CHST2: variants seen among roughly 807,000 people sequenced by gnomAD.
CHST2 encodes N-acetylglucosamine 6-O-sulfotransferase 1.
In CHST2, 23 loss-of-function variants were observed where a neutral mutation model predicts 34.6. The observed-to-expected ratio is 0.67, with a 90% confidence interval of 0.48 to 0.94. The LOEUF is 0.94. Among genes scored for constraint, CHST2 ranks in the 40% least tolerant of loss-of-function variants. The probability of loss-of-function intolerance (pLI) is 0.00; values close to 1 mark genes in which losing one functional copy is unlikely to be tolerated. For synonymous variants in CHST2, 392 were observed against 343.1 expected (o/e 1.14, Z -1.58); for missense variants, 720 against 759.5 (o/e 0.95, Z 0.61).
In CHST2 at chr3:143,121,015, G is replaced by C. The variant is rs1192997830; in HGVS notation, c.199G>C (p.Val67Leu). The change falls in exon 2 of 2, where the codon GTG becomes CTG. Residue 67 changes from valine (V) to leucine (L), a missense_variant. Coordinates refer to ENST00000309575, the MANE Select transcript of CHST2 (RefSeq NM_004267.5). ...VLCAGYALLLVLTMLNLLDYK... is the reference protein window; with the variant it reads ...VLCAGYALLLLLTMLNLLDYK... ...GTGCGCGGGCTATGCACTGCTGCTG[G>C]TGCTCACTATGCTCAACCTCCTGGA... 20 of 1,540,002 alleles carry C rather than the reference G, an allele frequency of 1.3e-5. No homozygotes were observed. Among genetic ancestry groups the C allele is most frequent in the Non-Finnish European group, 1.7e-5 (19 of 1,143,908 alleles).
At position 143,122,121 on chromosome 3, in the gene CHST2, A is replaced by G. The variant is rs1009569772; in HGVS notation, c.1305A>G (p.Thr435=). 6.2e-7 allele frequency: 1 copy of G among 1,614,190 alleles called. No homozygotes were observed. The highest frequency in any genetic ancestry group is 1.3e-5 in the African/African-American group (1 of 75,048). ...ACCTGGTGGGAGACCCCGTCAAGAC[A>G]CTACGGAGAGTGTACGATTTTGTGG... ...YEDLVGDPVK[T]LRRVYDFVGL... Residue 435 remains threonine (T), a synonymous_variant, in exon 2 of 2, where the codon ACA becomes ACG. Coordinates refer to ENST00000309575, the MANE Select transcript of CHST2 (RefSeq NM_004267.5).
chr3:143,122,560 G>A lies in CHST2; in HGVS notation c.*151G>A. The A allele has an allele frequency of 2.5e-6, 2 of 810,084 alleles. No homozygotes were observed. The highest frequency in any genetic ancestry group is 3.6e-6 in the Non-Finnish European group (2 of 550,618). The allele number at this position is 810,084 out of a possible 1,614,324, so 50.2% of individuals were successfully genotyped here. On this transcript the variant is annotated 3_prime_UTR_variant, in exon 2 of 2. Transcript: ENST00000309575. Reference sequence around the variant, plus strand: ...AATCACACACACACTTGCTGTCAATGTTTTGAGTCAGTGCATTTCAAGGAA... The same window carrying A: ...AATCACACACACACTTGCTGTCAATATTTTGAGTCAGTGCATTTCAAGGAA...
In CHST2 at chr3:143,120,635, C is replaced by T. The variant is rs965515816; in HGVS notation, c.-173-9C>T. 30 of 390,612 alleles carry T rather than the reference C, an allele frequency of 7.7e-5. No individual in the cohort carries two copies. The highest frequency in any genetic ancestry group is 6.2e-4 in the African/African-American group (29 of 46,964). 24.2% of individuals were successfully genotyped at this position (390,612 alleles called of 1,614,324 possible). On this transcript the variant is annotated splice_polypyrimidine_tract_variant and intron_variant, in intron 1 of 1. Coordinates refer to ENST00000309575, the MANE Select transcript of CHST2 (RefSeq NM_004267.5). This position sits in a 1 kb window ranked among gnomAD's most constrained non-coding sequence, Gnocchi z 4.1. ...GGGGCGCATCCGCTCACTCCGCTTC[C>T]CCTCGCAGGTCCTACCCGGAGCCGC...
Position 143,121,609 on chromosome 3 carries a change from C to A in CHST2, c.793C>A (p.Pro265Thr). 1 of 1,595,024 alleles carries A rather than the reference C, an allele frequency of 6.3e-7. No homozygotes were observed. Among genetic ancestry groups the A allele is most frequent in the Non-Finnish European group, 8.6e-7 (1 of 1,168,222 alleles). ...NKVVCSSPLC[P>T]AYRKEVVGLV... ...GGTGGTGTGCTCGTCACCACTCTGC[C>A]CCGCCTACCGCAAGGAGGTCGTGGG... is the stretch of plus-strand genomic sequence containing the variant. The change falls in exon 2 of 2, where the codon CCC becomes ACC. Residue 265 changes from proline to threonine, a missense_variant. Around this residue, in one of 4 missense-constraint regions of CHST2, gnomAD observed 166 missense variants for 211.4 expected, o/e 0.79. Transcript: ENST00000309575.
At position 143,121,534 on chromosome 3, in the gene CHST2, G is replaced by T. The variant is rs767499387; in HGVS notation, c.718G>T (p.Gly240Trp). The part of the protein sequence containing the change: ...VFQLYSPAGS[G>W]GRNLTTLGIF... ...CCAGTTGTATAGCCCCGCGGGCAGC[G>T]GGGGGCGCAACCTCACCACGCTGGG... is the stretch of plus-strand genomic sequence containing the variant. The change falls in exon 2 of 2, where the codon GGG becomes TGG. Residue 240 changes from glycine to tryptophan, a missense_variant. Physicochemically the swap from Gly to Trp is radical, Grantham distance 184 (BLOSUM62 -2). Around this residue, in one of 4 missense-constraint regions of CHST2, gnomAD observed 166 missense variants for 211.4 expected, o/e 0.79. Transcript: ENST00000309575. 15 of 1,609,744 alleles carry T rather than the reference G, an allele frequency of 9.3e-6. No individual in the cohort carries two copies. The highest frequency in any genetic ancestry group is 1.7e-6 in the Non-Finnish European group (2 of 1,177,930).
Position 143,123,494 on chromosome 3 carries a change from A to G in CHST2, c.*1085A>G, listed in dbSNP as rs1420672430. 1 of 152,256 alleles carries G rather than the reference A, an allele frequency of 6.6e-6. No homozygotes were observed. Among genetic ancestry groups the G allele is most frequent in the African/African-American group, 2.4e-5 (1 of 41,476 alleles). The allele number at this position is 152,256 out of a possible 1,614,324, so 9.4% of individuals were successfully genotyped here. A position where few individuals can be genotyped will look rare whatever the true frequency, so the allele number is the denominator to read the frequency against. On this transcript the variant is annotated 3_prime_UTR_variant, in exon 2 of 2. Coordinates refer to ENST00000309575, the MANE Select transcript of CHST2 (RefSeq NM_004267.5). ...AGCTTCGTTGGTTTAGCAAAGTGAC[A>G]GAAGTATCTATTTGGAGTGTTTTTC...
chr3:143,122,157 G>T lies in CHST2; in HGVS notation c.1341G>T (p.Val447=). The T allele has an allele frequency of 4.3e-6, 7 of 1,614,208 alleles. No individual in the cohort carries two copies. The highest frequency in any genetic ancestry group is 5.9e-6 in the Non-Finnish European group (7 of 1,180,016). The change falls in exon 2 of 2, where the codon GTG becomes GTT. Residue 447 remains valine (V), a synonymous_variant. Transcript: ENST00000309575. ...TGTACGATTTTGTGGGACTGTTGGT[G>T]AGCCCCGAAATGGAGCAGTTTGCCC... ...RRVYDFVGLL[V]SPEMEQFALN...
In CHST2 at chr3:143,122,030, C is replaced by T. The variant is rs1466648361; in HGVS notation, c.1214C>T (p.Thr405Met). The change falls in exon 2 of 2, where the codon ACG becomes ATG. Residue 405 changes from threonine (T) to methionine (M), a missense_variant. Thr to Met is a moderately conservative substitution (Grantham distance 81). This residue lies in a region of CHST2 where 224 missense variants were observed against 227.8 expected (regional missense o/e 0.98). Coordinates refer to ENST00000309575, the MANE Select transcript of CHST2 (RefSeq NM_004267.5). ...GTCATCTGCAATAGTATGGCTAAGACGCTGCAGACAGCCCTGCAGCCCCCT... is the reference window on the plus strand; with the variant it reads ...GTCATCTGCAATAGTATGGCTAAGATGCTGCAGACAGCCCTGCAGCCCCCT... ...MEVICNSMAK[T>M]LQTALQPPDW... 3 of 1,612,976 alleles carry T rather than the reference C, an allele frequency of 1.9e-6. No homozygotes were observed. Among genetic ancestry groups the T allele is most frequent in the Non-Finnish European group, 2.5e-6 (3 of 1,179,692 alleles).
Position 143,122,511 on chromosome 3 carries a change from A to G in CHST2, c.*102A>G. 1 of 1,137,324 alleles carries G rather than the reference A, an allele frequency of 8.8e-7. No individual in the cohort carries two copies. Among genetic ancestry groups the G allele is most frequent in the South Asian group, 1.7e-5 (1 of 58,574 alleles). 70.5% of individuals were successfully genotyped at this position (1,137,324 alleles called of 1,614,324 possible). A position where few individuals can be genotyped will look rare whatever the true frequency, so the allele number is the denominator to read the frequency against. On this transcript the variant is annotated 3_prime_UTR_variant, in exon 2 of 2. Coordinates refer to ENST00000309575, the MANE Select transcript of CHST2 (RefSeq NM_004267.5). Reference sequence around the variant, plus strand: ...CCAGACTCAAACGGAGGAAGCCCACATATTCTATTATAGATATATAAATAA... The same window carrying G: ...CCAGACTCAAACGGAGGAAGCCCACGTATTCTATTATAGATATATAAATAA...
At position 143,120,467 on chromosome 3, in the gene CHST2, C is replaced by G. The variant is rs866607231; in HGVS notation, c.-248C>G. 1.1e-5 allele frequency: 2 copies of G among 177,052 alleles called. No homozygotes were observed. The highest frequency in any genetic ancestry group is 2.4e-5 in the Non-Finnish European group (2 of 84,330). 11.0% of individuals were successfully genotyped at this position (177,052 alleles called of 1,614,324 possible). ...CAGCGGAAGCGAGAGGGAGCGAAAT[C>G]GAGGAACGAGTGACAGCCGGACAGT... On this transcript the variant is annotated 5_prime_UTR_variant, in exon 1 of 2. In the 5' UTR this introduces an upstream ATG that the reference lacks. Transcript: ENST00000309575. The surrounding 1 kb of genome is among the most constrained non-coding windows in gnomAD (Gnocchi z 4.1).
Position 143,121,996 on chromosome 3 carries a change from G to T in CHST2, c.1180G>T (p.Ala394Ser). 6.2e-7 allele frequency: 1 copy of T among 1,606,378 alleles called. No homozygotes were observed. The highest frequency in any genetic ancestry group is 8.5e-7 in the Non-Finnish European group (1 of 1,177,300). ...GGPADYHALG[A>S]MEVICNSMAK... ...CCCCGCAGACTACCACGCTCTGGGCGCTATGGAGGTCATCTGCAATAGTAT... is the reference window on the plus strand; with the variant it reads ...CCCCGCAGACTACCACGCTCTGGGCTCTATGGAGGTCATCTGCAATAGTAT... The change falls in exon 2 of 2, where the codon GCT becomes TCT. Residue 394 changes from alanine (A) to serine (S), a missense_variant. This residue lies in a region of CHST2 where 224 missense variants were observed against 227.8 expected (regional missense o/e 0.98). Coordinates refer to ENST00000309575, the MANE Select transcript of CHST2 (RefSeq NM_004267.5).
rs1936252626 is a variant in CHST2 at position 143,122,995 on chromosome 3, C to T, written c.*586C>T. 1 of 166,650 alleles carries T rather than the reference C, an allele frequency of 6.0e-6. No homozygotes were observed. The highest frequency in any genetic ancestry group is 2.4e-5 in the African/African-American group (1 of 41,456). The allele number at this position is 166,650 out of a possible 1,614,324, so 10.3% of individuals were successfully genotyped here. On this transcript the variant is annotated 3_prime_UTR_variant, in exon 2 of 2. Transcript: ENST00000309575. ...ATATTTGCCTCCATTACTTTGGATT[C>T]ACCTGTGTTACTTGTCCTCAGCTTC...
At position 143,121,356 on chromosome 3, in the gene CHST2, C is replaced by T; in HGVS notation, c.540C>T (p.Phe180=). 3 of 1,613,638 alleles carry T rather than the reference C, an allele frequency of 1.9e-6. No homozygotes were observed. Among genetic ancestry groups the T allele is most frequent in the Non-Finnish European group, 2.5e-6 (3 of 1,180,020 alleles). The stretch of plus-strand genomic sequence containing the variant: ...CGTGGCGCTCTGGCTCGTCGTTCTT[C>T]GGCGAGCTATTCAACCAGAATCCCG... ...FTTWRSGSSF[F]GELFNQNPEV... Residue 180 remains phenylalanine (F), a synonymous_variant, in exon 2 of 2, where the codon TTC becomes TTT. Transcript: ENST00000309575.
Position 143,122,168 on chromosome 3 carries a change from T to A in CHST2, c.1352T>A (p.Met451Lys). 1 of 1,614,128 alleles carries A rather than the reference T, an allele frequency of 6.2e-7. No homozygotes were observed. Among genetic ancestry groups the A allele is most frequent in the Non-Finnish European group, 8.5e-7 (1 of 1,180,008 alleles). Residue 451 changes from methionine to lysine, a missense_variant, in exon 2 of 2, where the codon ATG (methionine) becomes AAG (lysine). Physicochemically the swap from Met to Lys is moderately conservative, Grantham distance 95 (BLOSUM62 -1). Transcript: ENST00000309575. ...DFVGLLVSPE[M>K]EQFALNMTSG... ...GTGGGACTGTTGGTGAGCCCCGAAA[T>A]GGAGCAGTTTGCCCTGAACATGACC... is the stretch of plus-strand genomic sequence containing the variant.
Position 143,120,482 on chromosome 3 carries a change from A to C in CHST2, c.-233A>C. The C allele has an allele frequency of 5.3e-6, 1 of 188,212 alleles. No homozygotes were observed. The highest frequency in any genetic ancestry group is 1.1e-5 in the Non-Finnish European group (1 of 91,708). 11.7% of individuals were successfully genotyped at this position (188,212 alleles called of 1,614,324 possible). ...GGAGCGAAATCGAGGAACGAGTGAC[A>C]GCCGGACAGTCCGCCGGGCGGTGAT... On this transcript the variant is annotated 5_prime_UTR_variant, in exon 1 of 2. Coordinates refer to ENST00000309575, the MANE Select transcript of CHST2 (RefSeq NM_004267.5). The surrounding 1 kb of genome is among the most constrained non-coding windows in gnomAD (Gnocchi z 4.1).
In CHST2 at chr3:143,123,420, AAC is replaced by A. The variant is rs1469382321; in HGVS notation, c.*1015_*1016del. ...AATTTTTAAAAGTTCTGATGATTAG[AAC>A]ACAGACCTCAGGAAAGTAGCGTGAA... On this transcript the variant is annotated 3_prime_UTR_variant, in exon 2 of 2. Coordinates refer to ENST00000309575, the MANE Select transcript of CHST2 (RefSeq NM_004267.5). 8 of 152,224 alleles carry A rather than the reference AAC, an allele frequency of 5.3e-5. No homozygotes were observed. Among genetic ancestry groups the A allele is most frequent in the African/African-American group, 1.7e-4 (7 of 41,448 alleles). 9.4% of individuals were successfully genotyped at this position (152,224 alleles called of 1,614,324 possible).
chr3:143,122,411 A>G lies in CHST2; in HGVS notation c.*2A>G, dbSNP rs1485821637. On this transcript the variant is annotated 3_prime_UTR_variant, in exon 2 of 2. Coordinates refer to ENST00000309575, the MANE Select transcript of CHST2 (RefSeq NM_004267.5). ...CTGCTTCGGAAGCCCCGTCTCTAAA[A>G]GGGGTTCCCAGGAGACCTGATTCCC... The G allele has an allele frequency of 1.3e-6, 2 of 1,568,836 alleles. No homozygotes were observed. Among genetic ancestry groups the G allele is most frequent in the East Asian group, 2.3e-5 (1 of 44,188 alleles).
At position 143,123,301 on chromosome 3, in the gene CHST2, A is replaced by G. The variant is rs1936255763; in HGVS notation, c.*892A>G. ...AGGACTTGAAGGCATTTGGTTTTTC[A>G]TTCCTCTTCAGTTAAAATGGGGAAC... On this transcript the variant is annotated 3_prime_UTR_variant, in exon 2 of 2. Transcript: ENST00000309575. The G allele has an allele frequency of 6.6e-6, 1 of 152,246 alleles. No homozygotes were observed. Among genetic ancestry groups the G allele is most frequent in the Admixed American group, 6.5e-5 (1 of 15,278 alleles). 9.4% of individuals were successfully genotyped at this position (152,246 alleles called of 1,614,324 possible). A position where few individuals can be genotyped will look rare whatever the true frequency, so the allele number is the denominator to read the frequency against.
rs2108351595 is a variant in CHST2, at chr3:143,121,794, G to A, written c.978G>A (p.Lys326=). 6.2e-7 allele frequency: 1 copy of A among 1,607,286 alleles called. No homozygotes were observed. The highest frequency in any genetic ancestry group is 8.5e-7 in the Non-Finnish European group (1 of 1,176,726). Residue 326 remains lysine (K), a synonymous_variant, in exon 2 of 2, where the codon AAG becomes AAA. Coordinates refer to ENST00000309575, the MANE Select transcript of CHST2 (RefSeq NM_004267.5). ...TGCGAGACCCGGCCCTGGACCTCAA[G>A]GTCATCCACTTGGTGCGTGATCCCC... ...PLLRDPALDL[K]VIHLVRDPRA... is the part of the protein sequence containing the mutation.
Sources: allele counts gnomAD v4.1 joint callset, GRCh38; gene constraint gnomAD v4.1.1; regional missense constraint gnomAD v4.1.1; non-coding constraint Gnocchi (gnomAD v3.1); transcripts MANE v1.5; gene names NCBI Gene and HGNC (gene_info 2026-07-23, HGNC 2026-07-21).